GDAP1: variants seen among roughly 807,000 people sequenced by gnomAD.
The protein encoded by GDAP1 is ganglioside induced differentiation associated protein 1.
A neutral mutation model predicts 40.1 loss-of-function variants in GDAP1; 34 were observed. That is an observed-to-expected ratio of 0.85 (90% CI 0.64 to 1.13). GDAP1 has a LOEUF of 1.13. GDAP1 is among the 50% of genes most tolerant of loss of function. The pLI, the probability that GDAP1 is intolerant of heterozygous loss-of-function variation, is 0.00. For synonymous variants in GDAP1, 170 were observed against 157.4 expected, an observed-to-expected ratio of 1.08 and a Z score of -0.60; for missense variants, 374 against 433.7, an observed-to-expected ratio of 0.86 and a Z score of 1.22.
chr8:74,430,130 C>T (rs749788313), intron 2 of GDAP1, among the ~76,000 whole-genome samples: 17 of 152,148 alleles, frequency 1.1e-4, no homozygotes, highest in Non-Finnish European at 2.2e-4. Flanking sequence ...TTAAATACAA[C>T]GAATACCATT....
chr8:74,469,976 A>AAAAAAT (rs1047062718), intron 2 of GDAP1, among the ~76,000 whole-genome samples: 9 of 152,202 alleles, frequency 5.9e-5, no homozygotes, highest in African/African-American at 1.2e-4. Context: ...CTCCATCTCA[A>AAAAAAT]AAAAATAAAA....
chr8:74,444,183 C>T (rs1329241495), intron 2 of GDAP1, among the ~76,000 whole-genome samples: 2 of 140,886 alleles, frequency 1.4e-5, no homozygotes, highest in African/African-American at 2.7e-5. Flanking sequence ...AGAATGGTGG[C>T]AGGCAAATGC....
At chr8:74,360,393 C>G in intron 3 of GDAP1, 83 bp downstream of exon 3, 2 of 1,175,428 alleles carry the variant, frequency 1.7e-6, no homozygotes, top group Middle Eastern at 3.9e-4. Context: ...CTCATGGTCA[C>G]TAAAAGAAGA....
At chr8:74,473,913 T>C (rs1365720497) in intron 2 of GDAP1, among the ~76,000 whole-genome samples, 1 of 152,242 alleles carries the variant, frequency 6.6e-6, no homozygotes, top group Non-Finnish European at 1.5e-5. Flanking sequence ...ACCATTTTAA[T>C]AATATTGATT....
At chr8:74,395,203 A>G (rs576646211) in intron 2 of GDAP1, among the ~76,000 whole-genome samples, 3 of 152,320 alleles carry the variant, frequency 2.0e-5, no homozygotes, top group Middle Eastern at 3.4e-3. Context: ...ATTTTTAAGC[A>G]TGTTAGTGAG....
intron 2 of GDAP1, among the ~76,000 whole-genome samples, chr8:74,401,364 A>G (rs1341936761): frequency 5.3e-5 from 8 of 149,750 alleles, no homozygotes; most frequent in Admixed American, 1.3e-4. Flanking sequence ...AGGCTTCTGC[A>G]TTCTTCACGT....
chr8:74,402,727 C>T (rs1302027203), intron 2 of GDAP1, among the ~76,000 whole-genome samples: 1 of 150,096 alleles, frequency 6.7e-6, no homozygotes, highest in African/African-American at 2.5e-5. Context: ...ATTTTTTGCA[C>T]TAAAAGCAAA....
rs558846970 is a variant in GDAP1 at position 74,365,782 on chromosome 8, C to T, written c.*1415C>T. 82 of 453,368 alleles carry T rather than the reference C, an allele frequency of 1.8e-4. 1 individual carries two copies. The highest frequency in any genetic ancestry group is 6.8e-4 in the African/African-American group (34 of 49,838). 28.1% of individuals were successfully genotyped at this position (453,368 alleles called of 1,614,324 possible). A position where few individuals can be genotyped will look rare whatever the true frequency, so the allele number is the denominator to read the frequency against. On this transcript the variant is annotated 3_prime_UTR_variant, in exon 6 of 6. Transcript: ENST00000220822. Reference sequence around the variant, plus strand: ...AAAACCTTGATGAACTATATGTTCCCGATTTACAAAAAAATTAATAAAACC... The same window carrying T: ...AAAACCTTGATGAACTATATGTTCCTGATTTACAAAAAAATTAATAAAACC...
chr8:74,429,471 G>A (rs1171007381), intron 2 of GDAP1, among the ~76,000 whole-genome samples: 1 of 152,202 alleles, frequency 6.6e-6, no homozygotes, highest in Non-Finnish European at 1.5e-5. Context: ...TTAAACAGCA[G>A]ATATTTGTTT....
downstream of GDAP1, chr8:74,366,969 G>A (rs530098405): frequency 7.1e-5 from 24 of 335,820 alleles, no homozygotes; most frequent in East Asian, 1.8e-3. Context: ...AAAATAAGCA[G>A]AGGTTAGGTA....
chr8:74,352,823 G>T (rs1808943533), intron 2 of GDAP1, among the ~76,000 whole-genome samples: 1 of 151,982 alleles, frequency 6.6e-6, no homozygotes, highest in Admixed American at 6.6e-5. Flanking sequence ...ATTTCTTGGG[G>T]GATGTAATTA....
intron 2 of GDAP1, among the ~76,000 whole-genome samples, chr8:74,385,260 G>A (rs1462441709): frequency 6.6e-6 from 1 of 152,062 alleles, no homozygotes; most frequent in Non-Finnish European, 1.5e-5. Flanking sequence ...CAAGTGCCAT[G>A]GTGGTTTGCT....
chr8:74,417,757 CAAAAAAAA>C (rs71269993), intron 2 of GDAP1, among the ~76,000 whole-genome samples: 1 of 75,938 alleles, frequency 1.3e-5, no homozygotes, highest in South Asian at 4.0e-4. Context: ...AACTCCATCT[CAAAAAAAA>C]AAAAAAAAAA....
chr8:74,484,614 G>T (rs1340152586), intron 2 of GDAP1, among the ~76,000 whole-genome samples: 1 of 152,056 alleles, frequency 6.6e-6, no homozygotes, highest in Non-Finnish European at 1.5e-5. Flanking sequence ...TCCCATTTCA[G>T]AAAAACCATA....
chr8:74,427,243 G>A lies in GDAP1; in HGVS notation c.166-61435G>A, dbSNP rs1220258150. On this transcript the variant is annotated intron_variant, in intron 2 of 2. Coordinates refer to the GDAP1 transcript ENST00000523640. ...GAACGAGGCCGTGTGATGCCAGTGC[G>A]TCCTATGTGAGTTACATCTCATGGT... 4.6e-5 allele frequency among the ~76,000 whole-genome samples: 7 copies of A among 152,258 alleles called. No homozygotes were observed. In the East Asian group the frequency reaches 7.7e-4, roughly 17 times the overall value.
chr8:74,409,236 A>G (rs1805678337), intron 2 of GDAP1, among the ~76,000 whole-genome samples: 1 of 150,094 alleles, frequency 6.7e-6, no homozygotes, highest in Admixed American at 6.6e-5. Flanking sequence ...TATTGACAGT[A>G]TTGAAACTGA....
rs549875464 is a variant in GDAP1, at chr8:74,450,926, ATATC to A, written c.166-37743_166-37740del. On this transcript the variant is annotated intron_variant, in intron 2 of 2. Coordinates refer to the GDAP1 transcript ENST00000523640. ...TTATTTTAATTATAACTATTTAAAA[ATATC>A]TATCTATCAAATTTGCATTACTTTT... 1.5e-4 allele frequency among the ~76,000 whole-genome samples: 12 copies of A among 81,022 alleles called. 4 individuals carry two copies. Among genetic ancestry groups the A allele is most frequent in the Admixed American group, 7.6e-4 (6 of 7,856 alleles). The allele number at this position is 81,022 out of a possible 152,430, so 53.2% of individuals were successfully genotyped here.
chr8:74,487,503 G>C (rs1317615475), intron 2 of GDAP1, among the ~76,000 whole-genome samples: 1 of 152,056 alleles, frequency 6.6e-6, no homozygotes, highest in Non-Finnish European at 1.5e-5. Flanking sequence ...AACATAGCAG[G>C]TGTCTGGCTT....
At chr8:74,467,714 G>A (rs1806489860) in intron 2 of GDAP1, among the ~76,000 whole-genome samples, 1 of 152,168 alleles carries the variant, frequency 6.6e-6, no homozygotes, top group Non-Finnish European at 1.5e-5. Context: ...CCAAAGCAGG[G>A]TGTTAAACAA....
Sources: allele counts gnomAD v4.1 joint callset (sites outside exome capture counted in the v4.1 genomes callset), GRCh38; gene constraint gnomAD v4.1.1; transcripts MANE v1.5; gene names NCBI Gene and HGNC (gene_info 2026-07-23, HGNC 2026-07-21).